Variants in FAM171A1 observed in about 807,000 individuals in gnomAD.
The protein encoded by FAM171A1 is family with sequence similarity 171 member A1, also known as protein FAM171A1.
A neutral mutation model predicts 74.9 loss-of-function variants in FAM171A1; 23 were observed. The ratio of observed to expected loss-of-function variants is 0.31; its 90% CI spans 0.22 to 0.44. FAM171A1 has a LOEUF of 0.44. FAM171A1 is among the 20% of genes least tolerant of loss of function. The pLI, the probability that FAM171A1 is intolerant of heterozygous loss-of-function variation, is 1.00. For missense variants in FAM171A1, 1,162 were observed against 1,159.2 expected, an observed-to-expected ratio of 1.00 and a Z score of -0.03; for synonymous variants, 527 against 505.7, an observed-to-expected ratio of 1.04 and a Z score of -0.57.
At chr10:15,307,416 G>T (rs910331293) in intron 1 of FAM171A1, among the ~76,000 whole-genome samples, 2 of 151,982 alleles carry the variant, frequency 1.3e-5, no homozygotes, top group Non-Finnish European at 1.5e-5. Flanking sequence ...AGGTTGAGGC[G>T]GGTGGATCAC....
intron 1 of FAM171A1, among the ~76,000 whole-genome samples, chr10:15,361,220 C>T (rs537291457): frequency 1.3e-3 from 193 of 152,102 alleles, no homozygotes; most frequent in Middle Eastern, 3.2e-3. Flanking sequence ...TGTTAATATA[C>T]ATTTCCCTTA....
At chr10:15,276,678 T>C (rs1834899138) in intron 2 of FAM171A1, among the ~76,000 whole-genome samples, 1 of 152,022 alleles carries the variant, frequency 6.6e-6, no homozygotes, top group African/African-American at 2.4e-5. Flanking sequence ...ATGATAGAAA[T>C]TGTGCTTTTC....
chr10:15,332,883 T>C (rs74124811), intron 1 of FAM171A1, among the ~76,000 whole-genome samples: 3,084 of 150,432 alleles, frequency 0.021, 101 homozygotes, highest in African/African-American at 0.071. Flanking sequence ...GTATTTATGA[T>C]AATGAAGAGT....
chr10:15,236,873 C>A (rs1279659515), intron 5 of FAM171A1, among the ~76,000 whole-genome samples: 1 of 152,148 alleles, frequency 6.6e-6, no homozygotes, highest in African/African-American at 2.4e-5. Context: ...AGGAGGATCA[C>A]TTGAGGCCAG....
intron 1 of FAM171A1, among the ~76,000 whole-genome samples, chr10:15,345,436 AG>A (rs1294914083): frequency 2.0e-5 from 3 of 152,226 alleles, no homozygotes; most frequent in Non-Finnish European, 2.9e-5. Context: ...TGACACCCAA[AG>A]GGGACAACAC....
chr10:15,212,765 C>T lies in FAM171A1; in HGVS notation c.*150G>A, dbSNP rs1467902414. 1 of 1,062,668 alleles carries T rather than the reference C, an allele frequency of 9.4e-7. No homozygotes were observed. The highest frequency in any genetic ancestry group is 1.4e-6 in the Non-Finnish European group (1 of 736,444). The allele number at this position is 1,062,668 out of a possible 1,614,324, so 65.8% of individuals were successfully genotyped here. A position where few individuals can be genotyped will look rare whatever the true frequency, so the allele number is the denominator to read the frequency against. On this transcript the variant is annotated 3_prime_UTR_variant, in exon 8 of 8. Coordinates refer to ENST00000378116, the MANE Select transcript of FAM171A1 (RefSeq NM_001010924.2). Reference sequence around the variant, plus strand: ...AGTAATAACTTTAATTCCTTTCTAACATTTACACGGCAAACAGGAATGCAG... The same window carrying T: ...AGTAATAACTTTAATTCCTTTCTAATATTTACACGGCAAACAGGAATGCAG...
At chr10:15,248,415 C>G (rs1834461573) in intron 5 of FAM171A1, among the ~76,000 whole-genome samples, 1 of 152,010 alleles carries the variant, frequency 6.6e-6, no homozygotes, top group African/African-American at 2.4e-5. Flanking sequence ...GTTAAATGTG[C>G]AAAACAAAAA....
At chr10:15,236,676 G>A (rs1423794624) in intron 5 of FAM171A1, among the ~76,000 whole-genome samples, 1 of 152,208 alleles carries the variant, frequency 6.6e-6, no homozygotes, top group African/African-American at 2.4e-5. Context: ...CCACTCAAGT[G>A]GAGGCAACTG....
rs980087871 is a variant in FAM171A1 at position 15,255,027 on chromosome 10, G to A, written c.419-148C>T. The stretch of plus-strand genomic sequence containing the variant: ...GGCCTCCCTTCCCCCATTCATGCAG[G>A]ACACAGAGATGTGACAACATGCTAT... On this transcript the variant is annotated intron_variant, in intron 3 of 7. Coordinates refer to ENST00000378116, the MANE Select transcript of FAM171A1 (RefSeq NM_001010924.2). The A allele has an allele frequency of 4.7e-6, 3 of 636,148 alleles. No homozygotes were observed. The African/African-American group carries it at 5.5e-5, about 12-fold the overall frequency. The allele number at this position is 636,148 out of a possible 1,614,324, so 39.4% of individuals were successfully genotyped here.
chr10:15,283,943 A>G lies in FAM171A1; in HGVS notation c.260T>C (p.Ile87Thr). ...KFQYKLGSQL[I>T]VTASKHAYVP... ...GTAGGCATGCTTCGAGGCGGTGACA[A>G]TCAACTGACTGCCCAGCTTATACTG... Residue 87 changes from isoleucine to threonine, a missense_variant, in exon 2 of 8, where the codon ATT (isoleucine) becomes ACT (threonine). Ile to Thr is a moderately conservative substitution (Grantham distance 89). Transcript: ENST00000378116. The G allele has an allele frequency of 1.9e-6, 3 of 1,614,180 alleles. No individual in the cohort carries two copies. Among genetic ancestry groups the G allele is most frequent in the Non-Finnish European group, 2.5e-6 (3 of 1,180,030 alleles).
intron 3 of FAM171A1, among the ~76,000 whole-genome samples, chr10:15,267,797 C>A (rs1588522499): frequency 6.6e-6 from 1 of 151,988 alleles, no homozygotes. Context: ...GAGCAGAACA[C>A]GGAGCGGTGA....
chr10:15,309,890 T>C (rs1206221004), intron 1 of FAM171A1, among the ~76,000 whole-genome samples: 1 of 152,240 alleles, frequency 6.6e-6, no homozygotes, highest in Non-Finnish European at 1.5e-5. Context: ...TTTTGCTTAG[T>C]GACTGGGTAA....
At chr10:15,221,083 T>C in intron 5 of FAM171A1, 23 bp from the exon 6 acceptor site, 1 of 1,595,008 alleles carries the variant, frequency 6.3e-7, no homozygotes, top group Non-Finnish European at 8.6e-7. Context: ...GAAAGAGATG[T>C]TAGCTACAAG....
chr10:15,361,430 C>T (rs1835992784), intron 1 of FAM171A1, among the ~76,000 whole-genome samples: 1 of 152,158 alleles, frequency 6.6e-6, no homozygotes, highest in African/African-American at 2.4e-5. Flanking sequence ...TGCCTGTAAT[C>T]CCAGCATTTT....
At chr10:15,336,713 T>C (rs1288424727) in intron 1 of FAM171A1, among the ~76,000 whole-genome samples, 1 of 152,204 alleles carries the variant, frequency 6.6e-6, no homozygotes, top group Non-Finnish European at 1.5e-5. Flanking sequence ...AAATGTCAAT[T>C]AAGTGTAAAG....
intron 3 of FAM171A1, among the ~76,000 whole-genome samples, chr10:15,262,015 A>T (rs1389237957): frequency 6.6e-6 from 1 of 152,206 alleles, no homozygotes; most frequent in South Asian, 2.1e-4. Context: ...CTCCAGAGAC[A>T]CAGGCAAGAG....
intron 1 of FAM171A1, among the ~76,000 whole-genome samples, chr10:15,356,246 A>G (rs1743594201): frequency 6.7e-6 from 1 of 149,820 alleles, no homozygotes; most frequent in Non-Finnish European, 1.5e-5. Context: ...ACATACATAC[A>G]TATATATATA....
chr10:15,372,049 G>T (rs894333790), upstream of FAM171A1, among the ~76,000 whole-genome samples: 1 of 152,158 alleles, frequency 6.6e-6, no homozygotes, highest in Non-Finnish European at 1.5e-5. Context: ...CCCTGGCAGG[G>T]CTGGGCAGGA....
intron 6 of FAM171A1, among the ~76,000 whole-genome samples, chr10:15,220,131 A>T (rs1000725780): frequency 6.6e-6 from 1 of 152,208 alleles, no homozygotes; most frequent in African/African-American, 2.4e-5. Flanking sequence ...GACCTAGCTA[A>T]GTCACCTACT....
Sources: allele counts gnomAD v4.1 joint callset (sites outside exome capture counted in the v4.1 genomes callset), GRCh38; gene constraint gnomAD v4.1.1; transcripts MANE v1.5; gene names NCBI Gene and HGNC (gene_info 2026-07-23, HGNC 2026-07-21).